The following CDH4 variants were observed in gnomAD, a reference collection of about 807,000 sequenced individuals.
CDH4 encodes cadherin 4, also known as cadherin-4.
Under a neutral mutation model 86.0 loss-of-function variants are expected in CDH4, and 33 were observed. That is an observed-to-expected ratio of 0.38 (90% confidence interval 0.29 to 0.51). CDH4 has a LOEUF of 0.51. Among genes scored for constraint, CDH4 ranks in the 20% least tolerant of loss-of-function variants. CDH4 has a pLI of 0.86. For synonymous variants in CDH4, 555 were observed against 549.4 expected, an observed-to-expected ratio of 1.01 and a Z score of -0.14; for missense variants, 1,114 against 1,307.4, an observed-to-expected ratio of 0.85 and a Z score of 2.28.
chr20:61,485,873 C>T (rs1490149435), intron 2 of CDH4, among the ~76,000 whole-genome samples: 1 of 152,230 alleles, frequency 6.6e-6, no homozygotes, highest in Non-Finnish European at 1.5e-5. Flanking sequence ...CACACGTCTA[C>T]ACTCCACGTT....
At chr20:61,883,086 A>C in intron 7 of CDH4, among the ~76,000 whole-genome samples, 3 of 148,626 alleles carry the variant, frequency 2.0e-5, no homozygotes, top group East Asian at 2.0e-4. Flanking sequence ...ACCCGGCCCC[A>C]TTCCCCCGGC....
intron 2 of CDH4, among the ~76,000 whole-genome samples, chr20:61,296,737 T>C (rs1415901086): frequency 3.9e-5 from 6 of 152,166 alleles, no homozygotes; most frequent in Admixed American, 3.9e-4. Flanking sequence ...CCCAGGCGTC[T>C]GGGGTGATAT....
chr20:61,623,842 G>A lies in CDH4; in HGVS notation c.170-119721G>A, dbSNP rs554690473. Among the ~76,000 whole-genome samples the A allele has an allele frequency of 3.2e-3, 488 of 151,884 alleles. 2 individuals are homozygous for A. The highest frequency in any genetic ancestry group is 0.011 in the African/African-American group (443 of 41,382). On this transcript the variant is annotated intron_variant, in intron 2 of 15. Coordinates refer to ENST00000614565, the MANE Select transcript of CDH4 (RefSeq NM_001794.5). The surrounding 1 kb of genome is among the most constrained non-coding windows in gnomAD (Gnocchi z 4.4). ...GCAGGAAGGACACGGTTCCTAGAGC[G>A]AGGAACACCCCAGAATCTGAGCAGG...
At position 61,751,596 on chromosome 20, in the gene CDH4, C is replaced by G. The variant is rs536054656; in HGVS notation, c.396+7807C>G. Reference sequence around the variant, plus strand: ...TTATTATAAGAGCAGTGCTGTAGAGCAGGTGCCAGCATGCTGTAGCCCACA... The same window carrying G: ...TTATTATAAGAGCAGTGCTGTAGAGGAGGTGCCAGCATGCTGTAGCCCACA... On this transcript the variant is annotated intron_variant, in intron 3 of 15. Transcript: ENST00000614565. Among the ~76,000 whole-genome samples, 321 of 152,320 alleles carry G rather than the reference C, an allele frequency of 2.1e-3. 1 individual carries two copies. The highest frequency in any genetic ancestry group is 3.7e-3 in the Non-Finnish European group (252 of 68,040).
At chr20:61,602,473 G>A (rs1023963350) in intron 2 of CDH4, among the ~76,000 whole-genome samples, 9 of 151,984 alleles carry the variant, frequency 5.9e-5, no homozygotes, top group African/African-American at 1.2e-4. Flanking sequence ...GGAGGGAAAC[G>A]AAGCAGCTGA....
chr20:61,538,515 C>T (rs563996293), intron 2 of CDH4, among the ~76,000 whole-genome samples: 23 of 152,316 alleles, frequency 1.5e-4, no homozygotes, highest in African/African-American at 5.5e-4. Flanking sequence ...ACTCTGTGTA[C>T]TTTCGCCTGG....
intron 2 of CDH4, among the ~76,000 whole-genome samples, chr20:61,503,349 A>C (rs574082383): frequency 1.8e-4 from 27 of 152,366 alleles, no homozygotes; most frequent in African/African-American, 5.8e-4. Context: ...AATATGAAGG[A>C]TATGCTTTCA....
rs1030162046 is a variant in CDH4 at position 61,499,495 on chromosome 20, A to C, written c.170-244068A>C. On this transcript the variant is annotated intron_variant, in intron 2 of 15. Coordinates refer to ENST00000614565, the MANE Select transcript of CDH4 (RefSeq NM_001794.5). ...CTTTCTACCCTGCTTTAAAGAAGGC[A>C]AGTGTGAGTGTGCTAGGGGGGCTTA... The C allele has an allele frequency of 2.3e-6, 3 of 1,288,970 alleles. No individual in the cohort carries two copies. In the African/African-American group the frequency reaches 4.6e-5, roughly 20 times the overall value. 79.8% of individuals were successfully genotyped at this position (1,288,970 alleles called of 1,614,324 possible). A position where few individuals can be genotyped will look rare whatever the true frequency, so the allele number is the denominator to read the frequency against.
intron 8 of CDH4, among the ~76,000 whole-genome samples, chr20:61,896,063 GC>G (rs770358998): frequency 9.4e-4 from 143 of 152,268 alleles, no homozygotes; most frequent in Non-Finnish European, 1.8e-3. Flanking sequence ...CCAGGCCTAG[GC>G]CCCCGCAGAG....
chr20:61,632,256 G>C (rs2086896047), intron 2 of CDH4, among the ~76,000 whole-genome samples: 1 of 152,174 alleles, frequency 6.6e-6, no homozygotes, highest in Non-Finnish European at 1.5e-5. Flanking sequence ...GATGGGGCTT[G>C]TTTGCTTGAA....
At chr20:61,273,477 G>T (rs2123143728) in intron 2 of CDH4, among the ~76,000 whole-genome samples, 1 of 10,170 alleles carries the variant, frequency 9.8e-5, no homozygotes, top group Non-Finnish European at 2.2e-4. Context: ...GCAGTTTGGG[G>T]GAGTATTGGG....
At chr20:61,298,664 G>A (rs1316977571) in intron 2 of CDH4, among the ~76,000 whole-genome samples, 2 of 142,304 alleles carry the variant, frequency 1.4e-5, no homozygotes, top group East Asian at 4.1e-4. Flanking sequence ...GGCACCCACC[G>A]TACCTTCTAA....
At position 61,636,089 on chromosome 20, in the gene CDH4, C is replaced by T. The variant is rs544544025; in HGVS notation, c.170-107474C>T. ...GGGCTCCACACGCGTGGGGGTCCAC[C>T]GTGGGTCATTCTTCCGAGTTTTTTC... On this transcript the variant is annotated intron_variant, in intron 2 of 15. Transcript: ENST00000614565. Among the ~76,000 whole-genome samples the T allele has an allele frequency of 2.6e-5, 4 of 152,336 alleles. No homozygotes were observed. In the South Asian group the frequency reaches 6.2e-4, roughly 24 times the overall value.
chr20:61,532,919 C>T (rs906023401), intron 2 of CDH4, among the ~76,000 whole-genome samples: 7 of 152,284 alleles, frequency 4.6e-5, no homozygotes, highest in Middle Eastern at 3.4e-3. Flanking sequence ...GGTCTCCCTG[C>T]GATGCAATCA....
At position 61,269,279 on chromosome 20, in the gene CDH4, AG is replaced by A. The variant is rs1225186198; in HGVS notation, c.169+14344del. On this transcript the variant is annotated intron_variant, in intron 2 of 15. Transcript: ENST00000614565. The surrounding 1 kb of genome is among the most constrained non-coding windows in gnomAD (Gnocchi z 5.3). The stretch of plus-strand genomic sequence containing the variant: ...CTACCTTAGTGGCCCTGGAGGAGCC[AG>A]GATTGATGGGGGGCAGCCTTCAGAG... Among the ~76,000 whole-genome samples the A allele has an allele frequency of 1.3e-5, 2 of 152,190 alleles. No individual in the cohort carries two copies. The highest frequency in any genetic ancestry group is 2.9e-5 in the Non-Finnish European group (2 of 68,012).
In CDH4 at chr20:61,269,013, C is replaced by T. The variant is rs555758101; in HGVS notation, c.169+14076C>T. 2.0e-5 allele frequency among the ~76,000 whole-genome samples: 3 copies of T among 152,294 alleles called. No homozygotes were observed. In the South Asian group the frequency reaches 6.2e-4, roughly 32 times the overall value. On this transcript the variant is annotated intron_variant, in intron 2 of 15. Coordinates refer to ENST00000614565, the MANE Select transcript of CDH4 (RefSeq NM_001794.5). This position sits in a 1 kb window ranked among gnomAD's most constrained non-coding sequence, Gnocchi z 5.3. Reference sequence around the variant, plus strand: ...AATGTGATGAGGAGTGTTGCGCAGACACCTTGGGTGAGCATCAGAACCCCA... The same window carrying T: ...AATGTGATGAGGAGTGTTGCGCAGATACCTTGGGTGAGCATCAGAACCCCA...
intron 2 of CDH4, among the ~76,000 whole-genome samples, chr20:61,610,635 C>A (rs1323875326): frequency 6.6e-6 from 1 of 152,128 alleles, no homozygotes; most frequent in African/African-American, 2.4e-5. Flanking sequence ...GAGGGCTCCC[C>A]TTTCCCTGCC....
chr20:61,540,256 G>T (rs1456338882), intron 2 of CDH4, among the ~76,000 whole-genome samples: 1 of 152,090 alleles, frequency 6.6e-6, no homozygotes, highest in Non-Finnish European at 1.5e-5. Context: ...CACAATGGAA[G>T]AATTTCCTTT....
At chr20:61,880,196 C>T (rs1181653075) in intron 7 of CDH4, among the ~76,000 whole-genome samples, 5 of 152,180 alleles carry the variant, frequency 3.3e-5, no homozygotes, top group Admixed American at 2.0e-4. Flanking sequence ...CCTCTGAGAG[C>T]GGCGTGGCTT....
Sources: gnomAD v4.1 joint callset for allele counts (sites outside exome capture counted in the v4.1 genomes callset) on GRCh38, gnomAD v4.1.1 for gene constraint, Gnocchi (gnomAD v3.1) non-coding constraint, MANE v1.5 for transcripts, NCBI Gene and HGNC (gene_info 2026-07-23, HGNC 2026-07-21) for gene names.